CSMD3: variants seen among roughly 807,000 people sequenced by gnomAD.
CSMD3 encodes CUB and sushi domain-containing protein 3.
CSMD3 carries 177 observed loss-of-function variants against 435.2 expected under a neutral mutation model. The observed-to-expected ratio is 0.41, with a 90% CI of 0.36 to 0.46. CSMD3 has a LOEUF of 0.46. CSMD3 is among the 20% of genes least tolerant of loss of function. CSMD3 has a pLI of 0.34. For synonymous variants in CSMD3, 1,656 were observed against 1,520.5 expected, an observed-to-expected ratio of 1.09 and a Z score of -2.07; for missense variants, 4,265 against 4,504.6, an observed-to-expected ratio of 0.95 and a Z score of 1.52.
At position 112,747,183 on chromosome 8, in the gene CSMD3, C is replaced by CTTTTTTTTTTTTTTTTTTTTTT. The variant is rs71309787; in HGVS notation, c.1972+52957_1972+52978dup. ...TATGATTATTTGTCTGCACACTTCC[C>CTTTTTTTTTTTTTTTTTTTTTT]TTTTTTTTTTTTTTTTTTTTTTTTT... On this transcript the variant is annotated intron_variant, in intron 13 of 70. Transcript: ENST00000297405. Among the ~76,000 whole-genome samples, 7 of 26,952 alleles carry CTTTTTTTTTTTTTTTTTTTTTT rather than the reference C, an allele frequency of 2.6e-4. 1 individual carries two copies. Among genetic ancestry groups the CTTTTTTTTTTTTTTTTTTTTTT allele is most frequent in the African/African-American group, 7.8e-4 (3 of 3,838 alleles). The allele number at this position is 26,952 out of a possible 152,430, so 17.7% of individuals were successfully genotyped here.
intron 27 of CSMD3, among the ~76,000 whole-genome samples, chr8:112,539,930 A>C (rs1826501788): frequency 6.6e-6 from 1 of 152,146 alleles, no homozygotes; most frequent in Non-Finnish European, 1.5e-5. Context: ...GCTTCTGTAA[A>C]GCAAAGTAAA....
chr8:112,405,207 A>C (rs1831685809), intron 35 of CSMD3, among the ~76,000 whole-genome samples: 1 of 37,472 alleles, frequency 2.7e-5, no homozygotes, highest in South Asian at 1.0e-3. Context: ...AAAAAAAAAA[A>C]AACCCCCATA....
intron 22 of CSMD3, among the ~76,000 whole-genome samples, chr8:112,605,781 T>A (rs1832746036): frequency 6.6e-6 from 1 of 152,132 alleles, no homozygotes; most frequent in Admixed American, 6.5e-5. Flanking sequence ...CCCCTGAACC[T>A]AAAATAAAAC....
intron 22 of CSMD3, among the ~76,000 whole-genome samples, chr8:112,611,789 C>T (rs1210096855): frequency 6.6e-6 from 1 of 152,060 alleles, no homozygotes; most frequent in Non-Finnish European, 1.5e-5. Flanking sequence ...AGTGTGCATA[C>T]AAAATACACA....
At chr8:112,806,499 T>C (rs1038598731) in intron 12 of CSMD3, among the ~76,000 whole-genome samples, 5 of 152,118 alleles carry the variant, frequency 3.3e-5, no homozygotes, top group Admixed American at 6.6e-5. Context: ...ATCTTACAAG[T>C]GCAAAAAATC....
intron 13 of CSMD3, among the ~76,000 whole-genome samples, chr8:112,794,637 C>T (rs2078780147): frequency 6.6e-6 from 1 of 151,796 alleles, no homozygotes; most frequent in African/African-American, 2.4e-5. Context: ...TAGTTTGGCC[C>T]AAACCTGTAG....
At position 112,436,820 on chromosome 8, in the gene CSMD3, A is replaced by T. The variant is rs117247898; in HGVS notation, c.5396-27788T>A. ...GAGTCTACTGAAATGCTGACATTTC[A>T]AATATATTATTGGAAATGAAATCAG... is the stretch of plus-strand genomic sequence containing the variant. On this transcript the variant is annotated intron_variant, in intron 32 of 70. Coordinates refer to ENST00000297405, the MANE Select transcript of CSMD3 (RefSeq NM_198123.2). 9.7e-4 allele frequency among the ~76,000 whole-genome samples: 148 copies of T among 152,142 alleles called. 1 individual carries two copies. The East Asian group carries it at 0.026, about 27-fold the overall frequency.
intron 38 of CSMD3, among the ~76,000 whole-genome samples, chr8:112,362,704 C>T (rs760349721): frequency 7.3e-5 from 11 of 151,626 alleles, no homozygotes; most frequent in African/African-American, 1.5e-4. Context: ...GATTAGAGCG[C>T]GGTGGAACAA....
Position 113,078,276 on chromosome 8 carries a change from T to C in CSMD3, c.917+20480A>G, listed in dbSNP as rs966950672. Among the ~76,000 whole-genome samples, 6 of 152,312 alleles carry C rather than the reference T, an allele frequency of 3.9e-5. 1 individual carries two copies. In the South Asian group the frequency reaches 8.3e-4, roughly 21 times the overall value. On this transcript the variant is annotated intron_variant, in intron 5 of 70. Coordinates refer to ENST00000297405, the MANE Select transcript of CSMD3 (RefSeq NM_198123.2). ...GAATAGGAGATATGCTATTTATTTA[T>C]TTATTATTTAATTTTGCTTATGCTA...
intron 1 of CSMD3, among the ~76,000 whole-genome samples, chr8:113,371,958 T>C (rs1462671857): frequency 6.6e-6 from 1 of 152,104 alleles, no homozygotes; most frequent in Non-Finnish European, 1.5e-5. Context: ...GCAAGTAGAA[T>C]TTAAAAAAAA....
At chr8:112,581,183 T>C (rs1307353830) in intron 23 of CSMD3, among the ~76,000 whole-genome samples, 1 of 152,066 alleles carries the variant, frequency 6.6e-6, no homozygotes, top group Non-Finnish European at 1.5e-5. Context: ...ATCAGAATGT[T>C]TCAGGGGAGG....
intron 13 of CSMD3, among the ~76,000 whole-genome samples, chr8:112,746,627 TA>T: frequency 7.2e-6 from 1 of 138,552 alleles, no homozygotes; most frequent in African/African-American, 2.9e-5. Context: ...TTATTAATAA[TA>T]GAATAGTTAT....
rs761247222 is a variant in CSMD3 at position 112,306,103 on chromosome 8, T to C, written c.7975A>G (p.Asn2659Asp). The C allele has an allele frequency of 2.5e-6, 4 of 1,613,312 alleles. No homozygotes were observed. Among genetic ancestry groups the C allele is most frequent in the Non-Finnish European group, 3.4e-6 (4 of 1,179,332 alleles). ...LVGTRVTYFC[N>D]DGYRLSSKEL... Reference sequence around the variant, plus strand: ...TTGGATGACAATCGATATCCATCATTACAAAAATAGGTAACTCGCGTTCCT... The same window carrying C: ...TTGGATGACAATCGATATCCATCATCACAAAAATAGGTAACTCGCGTTCCT... Residue 2659 changes from asparagine (N) to aspartate (D), a missense_variant, in exon 51 of 71, where the codon AAT becomes GAT. Asn to Asp is a conservative substitution (Grantham distance 23). This residue lies in a region of CSMD3 where 3,255 missense variants were observed against 3,380.2 expected (regional missense o/e 0.96). Transcript: ENST00000297405.
At chr8:112,852,740 G>A (rs1366280083) in intron 11 of CSMD3, among the ~76,000 whole-genome samples, 1 of 152,024 alleles carries the variant, frequency 6.6e-6, no homozygotes, top group Non-Finnish European at 1.5e-5. Flanking sequence ...GGCTAACACG[G>A]TGAAACCCCG....
At chr8:113,238,759 G>A (rs191410112) in intron 3 of CSMD3, among the ~76,000 whole-genome samples, 24 of 152,238 alleles carry the variant, frequency 1.6e-4, no homozygotes, top group Non-Finnish European at 2.8e-4. Context: ...AGAGGTACTA[G>A]CACTTTTCTA....
chr8:113,083,879 C>A (rs1015410729), intron 5 of CSMD3, among the ~76,000 whole-genome samples: 1 of 151,972 alleles, frequency 6.6e-6, no homozygotes, highest in African/African-American at 2.4e-5. Flanking sequence ...AAGGCTGATA[C>A]AGGAGAATCA....
At chr8:112,437,513 G>T (rs1432856042) in intron 32 of CSMD3, among the ~76,000 whole-genome samples, 1 of 151,950 alleles carries the variant, frequency 6.6e-6, no homozygotes, top group African/African-American at 2.4e-5. Flanking sequence ...AAACAAATAT[G>T]TCAATAAAGC....
chr8:113,393,595 G>A (rs75021499), intron 1 of CSMD3, among the ~76,000 whole-genome samples: 4 of 152,000 alleles, frequency 2.6e-5, no homozygotes, highest in South Asian at 2.1e-4. Flanking sequence ...ACCAATTCTC[G>A]TTAAGTTACT....
At chr8:113,322,018 T>C (rs994907311) in intron 1 of CSMD3, among the ~76,000 whole-genome samples, 15 of 152,130 alleles carry the variant, frequency 9.9e-5, no homozygotes, top group South Asian at 6.2e-4. Flanking sequence ...ACACAACAAA[T>C]ATACAAAATG....
Sources: allele counts gnomAD v4.1 joint callset (sites outside exome capture counted in the v4.1 genomes callset), GRCh38; gene constraint gnomAD v4.1.1; regional missense constraint gnomAD v4.1.1; transcripts MANE v1.5; gene names NCBI Gene and HGNC (gene_info 2026-07-23, HGNC 2026-07-21).